Variants in AGAP1 observed in about 807,000 individuals in gnomAD.
AGAP1 encodes ArfGAP with GTPase domain, ankyrin repeat and PH domain 1.
Under a neutral mutation model 105.3 loss-of-function variants are expected in AGAP1, and 29 were observed. That is an observed-to-expected ratio of 0.28 (90% CI 0.21 to 0.38). The LOEUF (loss-of-function observed/expected upper bound fraction) is 0.38, where lower values mean the gene tolerates loss of function less well. Ranked by LOEUF, AGAP1 falls within the 10% of genes least tolerant of loss-of-function variation. The pLI is 1.00. For synonymous variants in AGAP1, 509 were observed against 485.9 expected, an observed-to-expected ratio of 1.05 and a Z score of -0.63; for missense variants, 998 against 1,165.1, an observed-to-expected ratio of 0.86 and a Z score of 2.09.
At position 236,041,999 on chromosome 2, in the gene AGAP1, G is replaced by A. The variant is rs902659994; in HGVS notation, c.1891+1158G>A. 6.6e-5 allele frequency among the ~76,000 whole-genome samples: 10 copies of A among 152,292 alleles called. No individual in the cohort carries two copies. The South Asian group carries it at 1.4e-3, about 22-fold the overall frequency. ...GGTTGTAGGATTAGAGATGCTTTTT[G>A]GGCTGGAAAACCAGTAGAAGCTAGT... On this transcript the variant is annotated intron_variant, in intron 15 of 17. Transcript: ENST00000304032.
In AGAP1 at chr2:235,908,812, A is replaced by G; in HGVS notation, c.1230A>G (p.Pro410=). ...CTGTGAAAGTCCCAGGGAAGAGGCC[A>G]CCCCGAGCCACGTCAGCCTGCGCAC... is the stretch of plus-strand genomic sequence containing the variant. ...RTTVKVPGKR[P]PRATSACAPI... is the part of the protein sequence containing the mutation. Residue 410 remains proline, a synonymous_variant, in exon 11 of 18, where the codon CCA becomes CCG. Transcript: ENST00000304032. The surrounding 1 kb of genome is among the most constrained non-coding windows in gnomAD (Gnocchi z 4.4). 1 of 1,613,596 alleles carries G rather than the reference A, an allele frequency of 6.2e-7. No homozygotes were observed. Among genetic ancestry groups the G allele is most frequent in the South Asian group, 1.1e-5 (1 of 90,982 alleles).
At position 236,080,513 on chromosome 2, in the gene AGAP1, A is replaced by G. The variant is rs995876100; in HGVS notation, c.2114+31232A>G. On this transcript the variant is annotated intron_variant, in intron 16 of 17. Transcript: ENST00000304032. The surrounding 1 kb of genome is among the most constrained non-coding windows in gnomAD (Gnocchi z 4.2). ...CAGATCACACTAGACATCAAGCTCAATGGATGCCACCAAGGGCAGCCACCT... is the reference window on the plus strand; with the variant it reads ...CAGATCACACTAGACATCAAGCTCAGTGGATGCCACCAAGGGCAGCCACCT... Among the ~76,000 whole-genome samples the G allele has an allele frequency of 2.0e-5, 3 of 152,228 alleles. No homozygotes were observed. The highest frequency in any genetic ancestry group is 4.8e-5 in the African/African-American group (2 of 41,464).
chr2:235,503,182 T>C (rs1941639817), intron 1 of AGAP1, among the ~76,000 whole-genome samples: 1 of 152,204 alleles, frequency 6.6e-6, no homozygotes, highest in Admixed American at 6.5e-5. Flanking sequence ...CTAGCTTATG[T>C]AATGAAAAAG....
At chr2:235,986,482 G>A (rs186624420) in intron 13 of AGAP1, among the ~76,000 whole-genome samples, 22 of 152,068 alleles carry the variant, frequency 1.4e-4, no homozygotes, top group East Asian at 9.7e-4. Flanking sequence ...TTGCCTGATC[G>A]TCCTGACCAG....
intron 13 of AGAP1, among the ~76,000 whole-genome samples, chr2:236,019,419 A>G (rs939552410): frequency 3.3e-5 from 5 of 152,222 alleles, no homozygotes; most frequent in African/African-American, 4.8e-5. Flanking sequence ...GGGTCAGGAC[A>G]GGTATCATGG....
In AGAP1 at chr2:236,104,390, C is replaced by A. The variant is rs924666757; in HGVS notation, c.2115-15802C>A. 2.0e-5 allele frequency among the ~76,000 whole-genome samples: 3 copies of A among 152,258 alleles called. No individual in the cohort carries two copies. The highest frequency in any genetic ancestry group is 4.4e-5 in the Non-Finnish European group (3 of 68,046). On this transcript the variant is annotated intron_variant, in intron 16 of 17. Coordinates refer to ENST00000304032, the MANE Select transcript of AGAP1 (RefSeq NM_001037131.3). The surrounding 1 kb of genome is among the most constrained non-coding windows in gnomAD (Gnocchi z 4.7). ...GGTGCTCCTAGACAGGTGGAGACCT[C>A]AATCCTGCAGCCTCATCAAATGACT... is the stretch of plus-strand genomic sequence containing the variant.
chr2:235,743,275 C>T (rs1952696434), intron 4 of AGAP1, among the ~76,000 whole-genome samples: 1 of 152,216 alleles, frequency 6.6e-6, no homozygotes, highest in African/African-American at 2.4e-5. Flanking sequence ...AGTCAGAATG[C>T]ACCCTTAGGA....
intron 12 of AGAP1, among the ~76,000 whole-genome samples, chr2:235,954,650 G>T (rs1362869804): frequency 6.6e-6 from 1 of 151,134 alleles, no homozygotes; most frequent in African/African-American, 2.4e-5. Flanking sequence ...AACAAGGGGA[G>T]CTTCAGCACA....
At chr2:235,860,722 T>C (rs183375457) in intron 9 of AGAP1, among the ~76,000 whole-genome samples, 83 of 152,354 alleles carry the variant, frequency 5.4e-4, no homozygotes, top group African/African-American at 1.9e-3. Flanking sequence ...ATTAATCAAA[T>C]AATTGCAGGA....
intron 13 of AGAP1, among the ~76,000 whole-genome samples, chr2:236,017,546 C>T (rs2125587196): frequency 6.6e-6 from 1 of 152,172 alleles, no homozygotes; most frequent in South Asian, 2.1e-4. Flanking sequence ...CTCAAAGGCA[C>T]CCAAAAAACA....
At chr2:235,985,056 T>C (rs144117927) in intron 13 of AGAP1, among the ~76,000 whole-genome samples, 6,353 of 152,290 alleles carry the variant, frequency 0.042, 460 homozygotes, top group African/African-American at 0.15. Flanking sequence ...TGAACTAATT[T>C]ACATTCCCAC....
chr2:236,114,024 G>A lies in AGAP1; in HGVS notation c.2115-6168G>A, dbSNP rs532542278. On this transcript the variant is annotated intron_variant, in intron 16 of 17. Coordinates refer to ENST00000304032, the MANE Select transcript of AGAP1 (RefSeq NM_001037131.3). The surrounding 1 kb of genome is among the most constrained non-coding windows in gnomAD (Gnocchi z 5.0). ...CCCTCATTTTCCCTCACTCTCCTGC[G>A]GCTGATTTATTTAAAGGTGTGTCAG... 5.9e-5 allele frequency among the ~76,000 whole-genome samples: 9 copies of A among 152,138 alleles called. No individual in the cohort carries two copies. The highest frequency in any genetic ancestry group is 2.1e-4 in the South Asian group (1 of 4,814).
At position 235,853,416 on chromosome 2, in the gene AGAP1, C is replaced by G. The variant is rs1196836816; in HGVS notation, c.1051-29929C>G. Reference sequence around the variant, plus strand: ...TTAGTTGTTCCTTTCTAATTAACCCCCAGGCAGGTACAGATAAATCTCTCA... The same window carrying G: ...TTAGTTGTTCCTTTCTAATTAACCCGCAGGCAGGTACAGATAAATCTCTCA... On this transcript the variant is annotated intron_variant, in intron 9 of 17. Transcript: ENST00000304032. Among the ~76,000 whole-genome samples the G allele has an allele frequency of 1.3e-5, 2 of 152,146 alleles. 1 individual carries two copies. The highest frequency in any genetic ancestry group is 4.8e-5 in the African/African-American group (2 of 41,412).
rs1276585001 is a variant in AGAP1 at position 235,906,428 on chromosome 2, T to C, written c.1156-2310T>C. Among the ~76,000 whole-genome samples the C allele has an allele frequency of 1.3e-5, 2 of 152,122 alleles. No individual in the cohort carries two copies. Among genetic ancestry groups the C allele is most frequent in the African/African-American group, 2.4e-5 (1 of 41,452 alleles). On this transcript the variant is annotated intron_variant, in intron 10 of 17. Transcript: ENST00000304032. This position sits in a 1 kb window ranked among gnomAD's most constrained non-coding sequence, Gnocchi z 5.3. ...GCACCAAGACTTCCGTCCTCAGGGG[T>C]CACCAGGGACCCTGAAACATCTTGT...
chr2:235,980,098 C>A (rs2055027639), intron 13 of AGAP1, among the ~76,000 whole-genome samples: 1 of 152,190 alleles, frequency 6.6e-6, no homozygotes, highest in African/African-American at 2.4e-5. Flanking sequence ...GAAGAGATTT[C>A]ATGAGGAGAG....
In AGAP1 at chr2:236,078,906, T is replaced by A. The variant is rs2058710925; in HGVS notation, c.2114+29625T>A. ...TCTCACTTCCAGCTCTGTTCTTCAT[T>A]CCAGCAGAAGGTCCAGCCTCACACA... On this transcript the variant is annotated intron_variant, in intron 16 of 17. Coordinates refer to ENST00000304032, the MANE Select transcript of AGAP1 (RefSeq NM_001037131.3). The surrounding 1 kb of genome is among the most constrained non-coding windows in gnomAD (Gnocchi z 5.3). Among the ~76,000 whole-genome samples, 1 of 152,206 alleles carries A rather than the reference T, an allele frequency of 6.6e-6. No homozygotes were observed. The highest frequency in any genetic ancestry group is 2.4e-5 in the African/African-American group (1 of 41,468).
chr2:236,118,578 A>AG (rs988419408), intron 16 of AGAP1, among the ~76,000 whole-genome samples: 20 of 151,748 alleles, frequency 1.3e-4, no homozygotes, highest in African/African-American at 4.8e-4. Context: ...TAGTAGAGAC[A>AG]GGGTTTCACC....
intron 6 of AGAP1, among the ~76,000 whole-genome samples, chr2:235,775,993 C>T (rs186734456): frequency 6.6e-6 from 1 of 152,204 alleles, no homozygotes; most frequent in African/African-American, 2.4e-5. Context: ...GAAGGTTTTC[C>T]TAAGATATTT....
intron 1 of AGAP1, among the ~76,000 whole-genome samples, chr2:235,686,669 T>A (rs1403270514): frequency 1.8e-5 from 2 of 113,186 alleles, no homozygotes; most frequent in African/African-American, 7.4e-5. Flanking sequence ...ATATATATTT[T>A]TTTTTTTTTT....
Sources: allele counts gnomAD v4.1 joint callset (sites outside exome capture counted in the v4.1 genomes callset), GRCh38; gene constraint gnomAD v4.1.1; non-coding constraint Gnocchi (gnomAD v3.1); transcripts MANE v1.5; gene names NCBI Gene and HGNC (gene_info 2026-07-23, HGNC 2026-07-21).